MMD2: variants seen among roughly 807,000 people sequenced by gnomAD.
MMD2 encodes monocyte to macrophage differentiation factor 2.
MMD2 carries 30 observed loss-of-function variants against 33.5 expected under a neutral mutation model. The ratio of observed to expected loss-of-function variants is 0.90; its 90% confidence interval spans 0.67 to 1.22. The LOEUF (loss-of-function observed/expected upper bound fraction) is 1.22, where lower values mean the gene tolerates loss of function less well. Among genes scored for constraint, MMD2 ranks in the 50% most tolerant of loss-of-function variants. The probability of loss-of-function intolerance (pLI) is 0.00; values close to 1 mark genes in which losing one functional copy is unlikely to be tolerated. For synonymous variants in MMD2, 129 were observed against 123.0 expected (o/e 1.05, Z -0.32); for missense variants, 364 against 325.4 (o/e 1.12, Z -0.91).
intron 1 of MMD2, among the ~76,000 whole-genome samples, chr7:4,947,441 T>A (rs1361027836): frequency 6.6e-6 from 1 of 150,966 alleles, no homozygotes; most frequent in Non-Finnish European, 1.5e-5. Flanking sequence ...TTGCACAGGC[T>A]GGAGTGCAGT....
intron 1 of MMD2, among the ~76,000 whole-genome samples, chr7:4,943,958 C>G (rs1785981413): frequency 6.6e-6 from 1 of 151,616 alleles, no homozygotes; most frequent in African/African-American, 2.4e-5. Flanking sequence ...CACGCCACCA[C>G]CCCCAACTAA....
rs557386550 is a variant in MMD2, at chr7:4,949,585, C to T, written c.47+9386G>A. Among the ~76,000 whole-genome samples, 89 of 152,024 alleles carry T rather than the reference C, an allele frequency of 5.9e-4. 1 individual carries two copies. The highest frequency in any genetic ancestry group is 2.0e-3 in the African/African-American group (82 of 41,478). ...GGAGTGCAATGGTGCAATCTCGGCT[C>T]ACTGCAACCTCTGCTTCCAAGGTTC... On this transcript the variant is annotated intron_variant, in intron 1 of 6. Coordinates refer to ENST00000401401, the MANE Select transcript of MMD2 (RefSeq NM_198403.4).
chr7:4,925,456 G>A lies in MMD2; in HGVS notation c.124C>T (p.His42Tyr). The A allele has an allele frequency of 6.4e-7, 1 of 1,557,334 alleles. No individual in the cohort carries two copies. The highest frequency in any genetic ancestry group is 1.8e-5 in the Admixed American group (1 of 54,556). ...EYEHAANCAT[H>Y]AFWIIPSILG... Reference sequence around the variant, plus strand: ...CCCCCCAAAAGCCAACTCACAGCATGGGTGGCACAGTTGGCCGCATGTTCA... The same window carrying A: ...CCCCCCAAAAGCCAACTCACAGCATAGGTGGCACAGTTGGCCGCATGTTCA... The change falls in exon 2 of 7, where the codon CAT becomes TAT. Residue 42 changes from histidine (H) to tyrosine (Y), a missense_variant. Physicochemically the swap from His to Tyr is moderately conservative, Grantham distance 83 (BLOSUM62 2). Transcript: ENST00000401401.
At chr7:4,949,338 C>A (rs530824219) in intron 1 of MMD2, among the ~76,000 whole-genome samples, 111 of 152,190 alleles carry the variant, frequency 7.3e-4, no homozygotes, top group African/African-American at 2.4e-3. Context: ...TGCCCACTCC[C>A]CTTCCCAGCC....
intron 1 of MMD2, among the ~76,000 whole-genome samples, chr7:4,935,414 G>A (rs2115130304): frequency 6.6e-6 from 1 of 151,964 alleles, no homozygotes; most frequent in East Asian, 1.9e-4. Flanking sequence ...ATTCGGTCTG[G>A]GGTAAAGCCT....
chr7:4,944,179 G>A (rs1197995312), intron 1 of MMD2, among the ~76,000 whole-genome samples: 13 of 151,818 alleles, frequency 8.6e-5, no homozygotes, highest in Non-Finnish European at 1.2e-4. Flanking sequence ...GGAGGCTGAG[G>A]AGGGAGGATC....
downstream of MMD2, among the ~76,000 whole-genome samples, chr7:4,903,496 A>C (rs1784821618): frequency 6.6e-6 from 1 of 152,206 alleles, no homozygotes; most frequent in South Asian, 2.1e-4. Flanking sequence ...TTCAGCTTCC[A>C]ATCCAGTGGG....
rs370661719 is a variant in MMD2, at chr7:4,907,442, C to G, written c.695G>C (p.Arg232Thr). The G allele has an allele frequency of 6.2e-7, 1 of 1,613,836 alleles. No homozygotes were observed. Among genetic ancestry groups the G allele is most frequent in the Non-Finnish European group, 8.5e-7 (1 of 1,179,908 alleles). Reference sequence around the variant, plus strand: ...CAGGGTGCTGGGCAGATAGAGGTACCTCCAGATGGCATAGTAGTGGGTACC... The same window carrying G: ...CAGGGTGCTGGGCAGATAGAGGTACGTCCAGATGGCATAGTAGTGGGTACC... ...GAGTHYYAIWRYLYLPSTLQT... is the reference protein window; with the variant it reads ...GAGTHYYAIWTYLYLPSTLQT... The change falls in exon 7 of 7, where the codon AGG becomes ACG. Residue 232 changes from arginine to threonine, a missense_variant. By Grantham distance (71) the Arg-to-Thr change is moderately conservative. Coordinates refer to ENST00000401401, the MANE Select transcript of MMD2 (RefSeq NM_198403.4).
At chr7:4,939,376 A>G (rs1023662906) in intron 1 of MMD2, among the ~76,000 whole-genome samples, 2 of 147,800 alleles carry the variant, frequency 1.4e-5, no homozygotes, top group Non-Finnish European at 3.0e-5. Context: ...CTTTCTCTAC[A>G]AAAAAAAAAC....
chr7:4,911,632 T>C (rs972886043), intron 4 of MMD2, among the ~76,000 whole-genome samples: 1 of 151,404 alleles, frequency 6.6e-6, no homozygotes, highest in Non-Finnish European at 1.5e-5. Flanking sequence ...ATTTATTTTA[T>C]TTATTTTATT....
At chr7:4,924,825 C>A (rs1292200742) in intron 2 of MMD2, among the ~76,000 whole-genome samples, 1 of 152,154 alleles carries the variant, frequency 6.6e-6, no homozygotes, top group African/African-American at 2.4e-5. Context: ...GTGTTTGAGC[C>A]TGAGAGCAAG....
chr7:4,957,875 A>G (rs1342554164), intron 1 of MMD2, among the ~76,000 whole-genome samples: 2 of 152,164 alleles, frequency 1.3e-5, no homozygotes, highest in Admixed American at 6.6e-5. Context: ...CCTGGACACC[A>G]TCCTAGCCCT....
intron 2 of MMD2, among the ~76,000 whole-genome samples, chr7:4,921,696 G>A (rs998331384): frequency 2.0e-5 from 3 of 151,238 alleles, no homozygotes; most frequent in South Asian, 2.1e-4. Context: ...CTCACTGAAC[G>A]CAATCTGCCT....
At chr7:4,914,078 T>C (rs1262766831) in intron 4 of MMD2, among the ~76,000 whole-genome samples, 2 of 152,166 alleles carry the variant, frequency 1.3e-5, no homozygotes, top group Admixed American at 1.3e-4. Flanking sequence ...CTTGACTTCC[T>C]GGGCTCAAGC....
intron 4 of MMD2, 90 bp from the exon 5 acceptor site, chr7:4,911,336 C>G: frequency 9.8e-7 from 1 of 1,021,608 alleles, no homozygotes; most frequent in Non-Finnish European, 1.4e-6. Flanking sequence ...GAAATGGACC[C>G]CAGGGAAGTC....
rs193276270 is a variant in MMD2, at chr7:4,934,222, G to A, written c.48-8690C>T. On this transcript the variant is annotated intron_variant, in intron 1 of 6. Transcript: ENST00000401401. ...TGGGATTACAGGCGTGAGCCACTAT[G>A]CCCGGCCCACAATGCTTTTATTTTT... Among the ~76,000 whole-genome samples the A allele has an allele frequency of 2.8e-3, 431 of 152,130 alleles. 1 individual carries two copies. The highest frequency in any genetic ancestry group is 5.1e-3 in the Non-Finnish European group (348 of 68,012).
At chr7:4,894,403 C>G in the MMD2 span, among the ~76,000 whole-genome samples, 2 of 152,184 alleles carry the variant, frequency 1.3e-5, no homozygotes, top group Non-Finnish European at 2.9e-5. The surrounding 1 kb of genome is among the most constrained non-coding windows in gnomAD (Gnocchi z 4.3). Flanking sequence ...GGAGGGACTA[C>G]CCCTCGCAGG....
downstream of MMD2, among the ~76,000 whole-genome samples, chr7:4,901,109 C>T (rs1784788452): frequency 6.7e-6 from 1 of 150,290 alleles, no homozygotes; most frequent in Non-Finnish European, 1.5e-5. Context: ...CACTGCACTC[C>T]AGCCTGGGCG....
At chr7:4,950,070 C>T (rs1786197928) in intron 1 of MMD2, among the ~76,000 whole-genome samples, 1 of 118,818 alleles carries the variant, frequency 8.4e-6, no homozygotes. Flanking sequence ...TAAGTACATT[C>T]ACCTTCTTTT....
Sources: gnomAD v4.1 joint callset for allele counts (sites outside exome capture counted in the v4.1 genomes callset) on GRCh38, gnomAD v4.1.1 for gene constraint, Gnocchi (gnomAD v3.1) non-coding constraint, MANE v1.5 for transcripts, NCBI Gene and HGNC (gene_info 2026-07-23, HGNC 2026-07-21) for gene names.